PEPD: variants seen among roughly 807,000 people sequenced by gnomAD.
The protein encoded by PEPD is peptidase D, also known as xaa-Pro dipeptidase.
A neutral mutation model predicts 60.7 loss-of-function variants in PEPD; 53 were observed. The observed-to-expected ratio is 0.87, with a 90% confidence interval of 0.70 to 1.10. The LOEUF (loss-of-function observed/expected upper bound fraction) is 1.10, where lower values mean the gene tolerates loss of function less well. Among genes scored for constraint, PEPD ranks in the 50% least tolerant of loss-of-function variants. The probability of loss-of-function intolerance (pLI) is 0.00; values close to 1 mark genes in which losing one functional copy is unlikely to be tolerated. For synonymous variants in PEPD, 267 were observed against 284.1 expected, an observed-to-expected ratio of 0.94 and a Z score of 0.60; for missense variants, 711 against 711.9, an observed-to-expected ratio of 1.00 and a Z score of 0.01.
At chr19:33,431,992 C>CAAAAAATAAAAAAAAAAAAAA (rs1969283458) in intron 9 of PEPD, among the ~76,000 whole-genome samples, 1 of 77,884 alleles carries the variant, frequency 1.3e-5, no homozygotes, top group East Asian at 4.5e-4. Flanking sequence ...GACACCACCT[C>CAAAAAATAAAAAAAAAAAAAA]AAAAAAAAAA....
intron 4 of PEPD, among the ~76,000 whole-genome samples, chr19:33,500,279 G>A (rs1970683562): frequency 6.6e-6 from 1 of 152,228 alleles, no homozygotes; most frequent in Admixed American, 6.5e-5. Context: ...AGGGCCTTTG[G>A]TCAAGTAGAC....
intron 9 of PEPD, among the ~76,000 whole-genome samples, chr19:33,435,804 G>A (rs569576281): frequency 6.6e-6 from 1 of 152,338 alleles, no homozygotes; most frequent in East Asian, 1.9e-4. Context: ...CTCCCATGGC[G>A]TCCCTGGATT....
intron 9 of PEPD, among the ~76,000 whole-genome samples, chr19:33,421,881 T>C (rs1293309205): frequency 6.6e-6 from 1 of 152,038 alleles, no homozygotes; most frequent in Non-Finnish European, 1.5e-5. Flanking sequence ...CAGGCCAAGG[T>C]TCTCTCTCCC....
intron 9 of PEPD, among the ~76,000 whole-genome samples, chr19:33,447,913 C>A (rs191430624): frequency 1.4e-3 from 219 of 152,312 alleles, no homozygotes; most frequent in African/African-American, 5.0e-3. Flanking sequence ...CCTGAGGACG[C>A]AAACTCAGCT....
At chr19:33,475,674 T>TC (rs551662321) in intron 7 of PEPD, among the ~76,000 whole-genome samples, 190 of 152,278 alleles carry the variant, frequency 1.2e-3, no homozygotes, top group African/African-American at 4.5e-3. Flanking sequence ...AGCCATGGTC[T>TC]CCAAGGCACC....
At chr19:33,497,488 C>T (rs1487721194) in intron 4 of PEPD, among the ~76,000 whole-genome samples, 3 of 152,392 alleles carry the variant, frequency 2.0e-5, no homozygotes, top group East Asian at 3.9e-4. Flanking sequence ...ACTCAGGATC[C>T]TCTGTGGGGA....
chr19:33,390,719 C>T (rs1243601931), intron 13 of PEPD, among the ~76,000 whole-genome samples: 1 of 152,230 alleles, frequency 6.6e-6, no homozygotes, highest in Non-Finnish European at 1.5e-5. Context: ...GGAGATGGCC[C>T]CCAGCCTCCC....
intron 9 of PEPD, among the ~76,000 whole-genome samples, chr19:33,461,846 G>A (rs777667412): frequency 2.6e-5 from 4 of 152,310 alleles, no homozygotes; most frequent in Admixed American, 6.5e-5. Flanking sequence ...CCCGGCTGAC[G>A]GAGCTGGGCT....
intron 7 of PEPD, among the ~76,000 whole-genome samples, chr19:33,468,073 G>T (rs567567850): frequency 6.6e-6 from 1 of 152,282 alleles, no homozygotes; most frequent in East Asian, 1.9e-4. Flanking sequence ...TGATGGAGAG[G>T]CACGAGCCCT....
chr19:33,424,514 C>T (rs1233941914), intron 9 of PEPD, among the ~76,000 whole-genome samples: 1 of 152,180 alleles, frequency 6.6e-6, no homozygotes, highest in Non-Finnish European at 1.5e-5. Context: ...AGAGATGACA[C>T]CTTTCTTGGC....
chr19:33,516,816 A>G (rs1317696343), intron 1 of PEPD, among the ~76,000 whole-genome samples: 1 of 152,232 alleles, frequency 6.6e-6, no homozygotes, highest in African/African-American at 2.4e-5. Flanking sequence ...AATGCATGTT[A>G]ATCTGTCACC....
chr19:33,502,183 C>T (rs1319283042), intron 3 of PEPD, among the ~76,000 whole-genome samples: 3 of 152,200 alleles, frequency 2.0e-5, no homozygotes, highest in Non-Finnish European at 2.9e-5. Context: ...AGTCCAATGA[C>T]GCACACATAC....
chr19:33,421,002 T>C (rs1358516430), intron 9 of PEPD, among the ~76,000 whole-genome samples: 1 of 152,234 alleles, frequency 6.6e-6, no homozygotes, highest in Non-Finnish European at 1.5e-5. Context: ...ACAATGTTTG[T>C]GGACCCGTCT....
At chr19:33,412,156 C>T (rs1026350371) in intron 10 of PEPD, among the ~76,000 whole-genome samples, 1 of 152,186 alleles carries the variant, frequency 6.6e-6, no homozygotes, top group Non-Finnish European at 1.5e-5. Context: ...CCAGCCTGGG[C>T]AACATGGCGA....
At chr19:33,478,568 A>G (rs1160523540) in intron 6 of PEPD, among the ~76,000 whole-genome samples, 1 of 152,238 alleles carries the variant, frequency 6.6e-6, no homozygotes, top group Admixed American at 6.5e-5. Flanking sequence ...GCAGCAAGAG[A>G]AAAGTATTAA....
chr19:33,401,713 C>A lies in PEPD; in HGVS notation c.967+8G>T. The stretch of plus-strand genomic sequence containing the variant: ...AGATGCGCCTCCCCCCACCGACCCG[C>A]TGCTCACCTGGCTTCATGGCACCCA... On this transcript the variant is annotated splice_region_variant and intron_variant, in intron 12 of 14. Transcript: ENST00000244137. 1 of 1,604,722 alleles carries A rather than the reference C, an allele frequency of 6.2e-7. No homozygotes were observed. The highest frequency in any genetic ancestry group is 2.3e-5 in the East Asian group (1 of 44,304).
chr19:33,451,152 C>T (rs1018893995), intron 9 of PEPD, among the ~76,000 whole-genome samples: 3 of 152,230 alleles, frequency 2.0e-5, no homozygotes, highest in Non-Finnish European at 4.4e-5. Flanking sequence ...TGTAACACCG[C>T]TGCTTTAATA....
In PEPD at chr19:33,387,482, C is replaced by T. The variant is rs1600069637; in HGVS notation, c.1345-1G>A. 6.2e-7 allele frequency: 1 copy of T among 1,613,548 alleles called. No individual in the cohort carries two copies. The highest frequency in any genetic ancestry group is 1.1e-5 in the South Asian group (1 of 91,088). On this transcript the variant is annotated splice_acceptor_variant, in intron 14 of 14. Coordinates refer to ENST00000244137, the MANE Select transcript of PEPD (RefSeq NM_000285.4). LOFTEE classifies it high-confidence loss of function. ...CCACGACGTCCTCCTCGATGCGGAC[C>T]TGGGTCAAGCCGACAGACACACATT...
At chr19:33,444,024 A>G (rs943810500) in intron 9 of PEPD, among the ~76,000 whole-genome samples, 9 of 152,132 alleles carry the variant, frequency 5.9e-5, no homozygotes, top group African/African-American at 1.7e-4. Context: ...GGGTGAGAAG[A>G]GTGTGTAATG....
Sources: allele counts gnomAD v4.1 joint callset (sites outside exome capture counted in the v4.1 genomes callset), GRCh38; gene constraint gnomAD v4.1.1; transcripts MANE v1.5; gene names NCBI Gene and HGNC (gene_info 2026-07-23, HGNC 2026-07-21).